Variants in GLYATL2 observed in about 807,000 individuals in gnomAD.
GLYATL2 encodes glycine-N-acyltransferase like 2.
GLYATL2 carries 25 observed loss-of-function variants against 21.4 expected under a neutral mutation model. The ratio of observed to expected loss-of-function variants is 1.17; its 90% CI spans 0.85 to 1.63. The LOEUF is 1.63. Ranked by LOEUF, GLYATL2 falls within the 40% of genes most tolerant of loss-of-function variation. The pLI, the probability that GLYATL2 is intolerant of heterozygous loss-of-function variation, is 0.00. For missense variants in GLYATL2, 361 were observed against 343.3 expected, an observed-to-expected ratio of 1.05 and a Z score of -0.41; for synonymous variants, 114 against 118.2, an observed-to-expected ratio of 0.96 and a Z score of 0.23.
chr11:58,870,001 C>T (rs1033466683), intron 1 of GLYATL2, among the ~76,000 whole-genome samples: 11 of 151,910 alleles, frequency 7.2e-5, no homozygotes, highest in African/African-American at 2.2e-4. Context: ...CCAGCTAATC[C>T]GGAGACTGAG....
At chr11:58,852,626 G>A (rs929637883) in intron 1 of GLYATL2, among the ~76,000 whole-genome samples, 3 of 152,186 alleles carry the variant, frequency 2.0e-5, no homozygotes, top group African/African-American at 7.2e-5. Context: ...AGCCGATCCA[G>A]GATTAAGGCC....
chr11:58,844,623 C>A lies in GLYATL2; in HGVS notation c.-230G>T, dbSNP rs1853611162. The A allele has an allele frequency of 1.3e-5, 2 of 152,164 alleles. No homozygotes were observed. The highest frequency in any genetic ancestry group is 4.1e-4 in the South Asian group (2 of 4,830). The allele number at this position is 152,164 out of a possible 1,614,324, so 9.4% of individuals were successfully genotyped here. On this transcript the variant is annotated 5_prime_UTR_variant, in exon 1 of 6. The change abolishes an upstream ATG in the 5' untranslated region. Transcript: ENST00000287275. ...TGTAGATTAAACCAGACGTTCTGTC[C>A]ATAGACAAGAAATCACAGGCTTTGT...
intron 1 of GLYATL2, among the ~76,000 whole-genome samples, chr11:58,891,868 T>G (rs1052024197): frequency 1.3e-5 from 2 of 152,170 alleles, no homozygotes; most frequent in Middle Eastern, 3.2e-3. Context: ...TGCTCGGTGA[T>G]GCTGTATATA....
At chr11:58,836,695 C>A (rs1436574358) in intron 5 of GLYATL2, among the ~76,000 whole-genome samples, 1 of 152,068 alleles carries the variant, frequency 6.6e-6, no homozygotes, top group Non-Finnish European at 1.5e-5. Flanking sequence ...ATTTTATATA[C>A]TTATGTATTT....
At chr11:58,901,462 A>AAAAC (rs926667565) in intron 1 of GLYATL2, among the ~76,000 whole-genome samples, 45 of 152,152 alleles carry the variant, frequency 3.0e-4, no homozygotes, top group Admixed American at 6.5e-4. Flanking sequence ...AATCCCCATT[A>AAAAC]AAACAAACAA....
At chr11:58,888,161 C>A (rs1382342590) in intron 1 of GLYATL2, among the ~76,000 whole-genome samples, 1 of 152,060 alleles carries the variant, frequency 6.6e-6, no homozygotes, top group East Asian at 1.9e-4. Flanking sequence ...CATTTTTACA[C>A]TGGGGTTTTG....
chr11:58,840,880 T>TAA (rs1853537553), intron 1 of GLYATL2: 1 of 149,134 alleles, frequency 6.7e-6, no homozygotes, highest in South Asian at 2.1e-4. Context: ...TAAAATAAAA[T>TAA]AAAAATTAAA....
chr11:58,892,694 G>A, intron 1 of GLYATL2: 1 of 357,522 alleles, frequency 2.8e-6, no homozygotes, highest in East Asian at 5.5e-5. Context: ...GGGGATAAGA[G>A]CAGCTGCATT....
chr11:58,853,502 TG>T (rs1458032570), intron 1 of GLYATL2, among the ~76,000 whole-genome samples: 4 of 152,184 alleles, frequency 2.6e-5, no homozygotes, highest in African/African-American at 9.7e-5. Context: ...TCCAGGATAC[TG>T]AGGGACGACT....
At chr11:58,855,948 AC>A (rs1298911382) in intron 1 of GLYATL2, among the ~76,000 whole-genome samples, 2 of 151,996 alleles carry the variant, frequency 1.3e-5, no homozygotes, top group African/African-American at 4.8e-5. Context: ...ACATGGTGAA[AC>A]CCCATCTCTA....
chr11:58,849,176 A>G (rs1393314272), upstream of GLYATL2, among the ~76,000 whole-genome samples: 1 of 152,226 alleles, frequency 6.6e-6, no homozygotes, highest in African/African-American at 2.4e-5. Context: ...TCCTACAAGA[A>G]ATGCTAAAGA....
At chr11:58,871,629 C>T (rs1416241175) in intron 1 of GLYATL2, among the ~76,000 whole-genome samples, 1 of 152,204 alleles carries the variant, frequency 6.6e-6, no homozygotes, top group East Asian at 1.9e-4. Context: ...TTTTTTATGG[C>T]TGCATAGTAT....
At position 58,838,446 on chromosome 11, in the gene GLYATL2, A is replaced by G. The variant is rs1007843244; in HGVS notation, c.79-78T>C. 1.8e-5 allele frequency: 17 copies of G among 933,942 alleles called. No homozygotes were observed. In the African/African-American group the frequency reaches 2.6e-4, roughly 14 times the overall value. The allele number at this position is 933,942 out of a possible 1,614,324, so 57.9% of individuals were successfully genotyped here. On this transcript the variant is annotated intron_variant, in intron 2 of 5. Transcript: ENST00000287275. ...AGTCTTATATGTGGAGAAATAAGAC[A>G]TGACATGAGAAATAAGGACAAGAAG... is the stretch of plus-strand genomic sequence containing the variant.
chr11:58,903,696 A>G (rs551692061), intron 1 of GLYATL2, among the ~76,000 whole-genome samples: 1 of 152,212 alleles, frequency 6.6e-6, no homozygotes, highest in Non-Finnish European at 1.5e-5. Context: ...AAATAAAATA[A>G]AATAATTCTC....
At chr11:58,883,817 A>G (rs1854387705) in intron 1 of GLYATL2, among the ~76,000 whole-genome samples, 1 of 152,240 alleles carries the variant, frequency 6.6e-6, no homozygotes, top group South Asian at 2.1e-4. Flanking sequence ...AAAAATCCTC[A>G]ATAAAATACC....
chr11:58,896,837 T>A (rs1854644544), intron 1 of GLYATL2, among the ~76,000 whole-genome samples: 1 of 152,230 alleles, frequency 6.6e-6, no homozygotes, highest in Non-Finnish European at 1.5e-5. Flanking sequence ...TTTTCCAACG[T>A]TTCATATAGG....
chr11:58,875,859 C>T (rs1269516311), intron 1 of GLYATL2, among the ~76,000 whole-genome samples: 1 of 152,206 alleles, frequency 6.6e-6, no homozygotes, highest in Non-Finnish European at 1.5e-5. Flanking sequence ...TGGGGAAGTT[C>T]TCCTGGATAA....
At chr11:58,868,471 T>C (rs548516597) in intron 1 of GLYATL2, among the ~76,000 whole-genome samples, 17 of 149,074 alleles carry the variant, frequency 1.1e-4, no homozygotes, top group Non-Finnish European at 2.1e-4. Flanking sequence ...CTCATAATTT[T>C]AGTTGGTCAG....
At chr11:58,860,526 AG>A (rs1314551238) in intron 1 of GLYATL2, among the ~76,000 whole-genome samples, 1 of 152,120 alleles carries the variant, frequency 6.6e-6, no homozygotes, top group African/African-American at 2.4e-5. Flanking sequence ...TTTTATATGT[AG>A]GACCATGCTA....
Sources: allele counts gnomAD v4.1 joint callset (sites outside exome capture counted in the v4.1 genomes callset), GRCh38; gene constraint gnomAD v4.1.1; transcripts MANE v1.5; gene names NCBI Gene and HGNC (gene_info 2026-07-23, HGNC 2026-07-21).